Variants in TP53BP1 observed in about 807,000 individuals in gnomAD.
The protein encoded by TP53BP1 is tumor protein p53 binding protein 1.
TP53BP1 carries 61 observed loss-of-function variants against 200.8 expected under a neutral mutation model. The observed-to-expected ratio is 0.30, with a 90% CI of 0.25 to 0.38. The LOEUF is 0.38. TP53BP1 is among the 10% of genes least tolerant of loss of function. TP53BP1 has a pLI of 1.00. For synonymous variants in TP53BP1, 822 were observed against 844.3 expected (o/e 0.97, Z 0.46); for missense variants, 2,144 against 2,371.9 (o/e 0.90, Z 2.00).
Position 43,413,376 on chromosome 15 carries a change from A to G in TP53BP1, c.5090-42T>C, listed in dbSNP as rs45584237. 1.7e-3 allele frequency: 2,631 copies of G among 1,554,682 alleles called. 50 individuals are homozygous for G. In the African/African-American group the frequency reaches 0.031, roughly 19 times the overall value. On this transcript the variant is annotated intron_variant, in intron 23 of 27. Coordinates refer to ENST00000382044, the MANE Select transcript of TP53BP1 (RefSeq NM_001141980.3). ...CACAGTTACTAGAGGGATACACACC[A>G]TTGCCTCAGCAAAAGCCTTAACACC...
intron 13 of TP53BP1, 47 bp downstream of exon 13, chr15:43,447,318 AT>A: frequency 6.4e-7 from 1 of 1,569,404 alleles, no homozygotes; most frequent in Non-Finnish European, 8.7e-7. Context: ...GTAGAGAATG[AT>A]ATCTCAGAAA....
intron 16 of TP53BP1, among the ~76,000 whole-genome samples, chr15:43,435,267 CAAAAAAAAAA>C (rs377275791): frequency 5.0e-4 from 28 of 55,682 alleles, no homozygotes; most frequent in African/African-American, 2.1e-3. Context: ...GACCCCATCT[CAAAAAAAAAA>C]AAAAAAAAAA....
intron 11 of TP53BP1, among the ~76,000 whole-genome samples, chr15:43,464,733 G>A (rs561694939): frequency 9.9e-5 from 15 of 151,560 alleles, no homozygotes; most frequent in African/African-American, 2.9e-4. Context: ...GAGAAACCCC[G>A]TCTCTACTAA....
chr15:43,407,249 C>T lies in TP53BP1; in HGVS notation c.*134G>A. 1.4e-6 allele frequency: 1 copy of T among 725,558 alleles called. No individual in the cohort carries two copies. Among genetic ancestry groups the T allele is most frequent in the Non-Finnish European group, 2.2e-6 (1 of 446,402 alleles). 44.9% of individuals were successfully genotyped at this position (725,558 alleles called of 1,614,324 possible). Reference sequence around the variant, plus strand: ...CAAAGAGATTCAACATTTATTTTATCATAAAAGTTCAGCAAATAAAACTAT... The same window carrying T: ...CAAAGAGATTCAACATTTATTTTATTATAAAAGTTCAGCAAATAAAACTAT... On this transcript the variant is annotated 3_prime_UTR_variant, in exon 28 of 28. Coordinates refer to ENST00000382044, the MANE Select transcript of TP53BP1 (RefSeq NM_001141980.3).
chr15:43,470,740 T>G (rs1446990049), intron 10 of TP53BP1, among the ~76,000 whole-genome samples: 1 of 152,202 alleles, frequency 6.6e-6, no homozygotes, highest in Non-Finnish European at 1.5e-5. Flanking sequence ...GGAACTTGCT[T>G]GGAGTCAGCC....
intron 25 of TP53BP1, 128 bp from the exon 26 acceptor site, chr15:43,409,224 T>G: frequency 1.2e-6 from 1 of 809,702 alleles, no homozygotes; most frequent in Non-Finnish European, 2.0e-6. Flanking sequence ...TGATTTAGTC[T>G]ATCCTGCCCA....
Position 43,432,195 on chromosome 15 carries a change from T to C in TP53BP1, c.3674A>G (p.Gln1225Arg). Residue 1225 changes from glutamine to arginine, a missense_variant and splice_region_variant, in exon 17 of 28, where the codon CAG becomes CGG. Physicochemically the swap from Gln to Arg is conservative, Grantham distance 43. Around this residue, in one of 4 missense-constraint regions of TP53BP1, gnomAD observed 1,700 missense variants for 1,710.3 expected, o/e 0.99. Transcript: ENST00000382044. ...ATGCACCCTAGTATGTTCTCTCACC[T>C]GGCTATGGAGCGACTCTGTATCATC... ...PGDDTESLHS[Q>R]GEEEFDMPQP... 6.2e-7 allele frequency: 1 copy of C among 1,613,010 alleles called. No individual in the cohort carries two copies. The highest frequency in any genetic ancestry group is 8.5e-7 in the Non-Finnish European group (1 of 1,179,350).
At chr15:43,431,129 C>A (rs1465589603) in intron 17 of TP53BP1, among the ~76,000 whole-genome samples, 1 of 152,058 alleles carries the variant, frequency 6.6e-6, no homozygotes, top group Non-Finnish European at 1.5e-5. Flanking sequence ...GGATTCATAT[C>A]CTAGCCAGGA....
chr15:43,492,218 T>C lies in TP53BP1; in HGVS notation c.192+66A>G, dbSNP rs368795573. ...AAGGTAATGATCTTCTAAATACTTA[T>C]GTTTGCTGGTTTTCGGTTTAAAAAA... On this transcript the variant is annotated intron_variant, in intron 2 of 27. Transcript: ENST00000382044. The C allele has an allele frequency of 2.0e-5, 30 of 1,526,230 alleles. No homozygotes were observed. In the East Asian group the frequency reaches 4.3e-4, roughly 22 times the overall value. The allele number at this position is 1,526,230 out of a possible 1,614,324, so 94.5% of individuals were successfully genotyped here.
At chr15:43,423,837 C>T (rs138400288) in intron 18 of TP53BP1, among the ~76,000 whole-genome samples, 3 of 152,172 alleles carry the variant, frequency 2.0e-5, no homozygotes, top group African/African-American at 7.2e-5. Flanking sequence ...TTTTTGGCTA[C>T]TTCTATTTAT....
chr15:43,435,198 G>A (rs2045763690), intron 16 of TP53BP1, among the ~76,000 whole-genome samples: 1 of 144,554 alleles, frequency 6.9e-6, no homozygotes, highest in African/African-American at 2.7e-5. Flanking sequence ...GGGAGGTGGA[G>A]GTTGCAGTGA....
upstream of TP53BP1, among the ~76,000 whole-genome samples, chr15:43,495,689 C>T (rs919669422): frequency 4.6e-5 from 7 of 151,398 alleles, no homozygotes; most frequent in African/African-American, 1.7e-4. Flanking sequence ...CGCGGGCAGG[C>T]GCCTGTAGTC....
At chr15:43,492,909 G>T in intron 1 of TP53BP1, 128 bp downstream of exon 1, 1 of 1,098,146 alleles carries the variant, frequency 9.1e-7, no homozygotes, top group South Asian at 1.4e-5. Flanking sequence ...CCTCCTTAGG[G>T]CCCTCCAACC....
chr15:43,480,404 C>A (rs912155718), intron 5 of TP53BP1, among the ~76,000 whole-genome samples: 4 of 151,882 alleles, frequency 2.6e-5, no homozygotes, highest in African/African-American at 2.4e-5. Flanking sequence ...GCCAAGATTG[C>A]GCCACTGCAC....
rs2046069135 is a variant in TP53BP1, at chr15:43,447,486, C to CT, written c.2717-2dup. ...GGCAAAGTGAAATGAAATGGGGTTT[C>CT]TGAAAAAAAAAAAAAAAAGAAAAAA... On this transcript the variant is annotated splice_acceptor_variant, in intron 12 of 27. Coordinates refer to ENST00000382044, the MANE Select transcript of TP53BP1 (RefSeq NM_001141980.3). 9.9e-5 allele frequency: 88 copies of CT among 891,386 alleles called. No individual in the cohort carries two copies. The highest frequency in any genetic ancestry group is 2.1e-4 in the Admixed American group (5 of 24,198). 55.2% of individuals were successfully genotyped at this position (891,386 alleles called of 1,614,324 possible).
intron 1 of TP53BP1, among the ~76,000 whole-genome samples, chr15:43,501,608 T>G (rs140276235): frequency 6.6e-5 from 10 of 152,334 alleles, no homozygotes; most frequent in East Asian, 5.8e-4. Context: ...GAGTTATTCA[T>G]GGTCCCTTCC....
At chr15:43,494,120 G>A (rs2079164197), upstream of TP53BP1, among the ~76,000 whole-genome samples, 1 of 152,138 alleles carries the variant, frequency 6.6e-6, no homozygotes, top group African/African-American at 2.4e-5. Flanking sequence ...TATTTAAGTG[G>A]CAGTTGGATC....
chr15:43,502,502 T>C (rs1290005423), intron 1 of TP53BP1, among the ~76,000 whole-genome samples: 1 of 152,002 alleles, frequency 6.6e-6, no homozygotes, highest in African/African-American at 2.4e-5. Context: ...TCACCCAGGC[T>C]GGAGTGCAGT....
intron 1 of TP53BP1, among the ~76,000 whole-genome samples, chr15:43,501,334 T>G (rs1416678834): frequency 6.6e-6 from 1 of 151,774 alleles, no homozygotes; most frequent in Admixed American, 6.6e-5. Context: ...CCCAGCTCAG[T>G]CTCCTCGGGG....
Sources: gnomAD v4.1 joint callset for allele counts (sites outside exome capture counted in the v4.1 genomes callset) on GRCh38, gnomAD v4.1.1 for gene constraint, gnomAD v4.1.1 regional missense constraint, MANE v1.5 for transcripts, NCBI Gene and HGNC (gene_info 2026-07-23, HGNC 2026-07-21) for gene names.